The following EIF4E2 variants were observed in gnomAD, a reference collection of about 807,000 sequenced individuals.
The protein encoded by EIF4E2 is eukaryotic translation initiation factor 4E type 2.
EIF4E2 carries 13 observed loss-of-function variants against 34.2 expected under a neutral mutation model. The observed-to-expected ratio is 0.38, with a 90% CI of 0.25 to 0.60. EIF4E2 has a LOEUF of 0.60. EIF4E2 is among the 20% of genes least tolerant of loss of function. The pLI is 0.62. For synonymous variants in EIF4E2, 100 were observed against 106.6 expected (o/e 0.94, Z 0.38); for missense variants, 222 against 315.1 (o/e 0.70, Z 2.24).
rs13339890 is a variant in EIF4E2, at chr2:232,579,890, A to T, written c.666-1014A>T. Among the ~76,000 whole-genome samples, 1,279 of 152,300 alleles carry T rather than the reference A, an allele frequency of 8.4e-3. 18 individuals carry two copies. Among genetic ancestry groups the T allele is most frequent in the African/African-American group, 0.029 (1,223 of 41,566 alleles). On this transcript the variant is annotated intron_variant, in intron 6 of 6. Coordinates refer to the EIF4E2 transcript ENST00000409098. ...AATTTTCTGACAAATTGAAGTCCAC[A>T]GCACTGGGCAAGGGCAGCAGCCTTA...
Position 232,550,693 on chromosome 2 carries a change from C to A in EIF4E2, c.-32C>A. 2 of 1,582,336 alleles carry A rather than the reference C, an allele frequency of 1.3e-6. No homozygotes were observed. Among genetic ancestry groups the A allele is most frequent in the South Asian group, 1.2e-5 (1 of 86,864 alleles). On this transcript the variant is annotated 5_prime_UTR_variant, in exon 1 of 7. Coordinates refer to ENST00000258416, the MANE Select transcript of EIF4E2 (RefSeq NM_004846.4). Reference sequence around the variant, plus strand: ...GGACCCGGTGGAGCGGAAGTCACTCCCTGAGGCAGTGGCGACAGCGGCGGC... The same window carrying A: ...GGACCCGGTGGAGCGGAAGTCACTCACTGAGGCAGTGGCGACAGCGGCGGC...
rs982218316 is a variant in EIF4E2, at chr2:232,566,107, A to G, written c.376-722A>G. Among the ~76,000 whole-genome samples the G allele has an allele frequency of 4.6e-5, 7 of 152,106 alleles. No homozygotes were observed. Among genetic ancestry groups the G allele is most frequent in the South Asian group, 4.2e-4 (2 of 4,810 alleles). ...ACTCCATCGCAAAAAAGAAAAAAAA[A>G]AAAACTAGATTGGGGCTTCATGTCT... On this transcript the variant is annotated intron_variant, in intron 4 of 6. Coordinates refer to ENST00000258416, the MANE Select transcript of EIF4E2 (RefSeq NM_004846.4). The surrounding 1 kb of genome is among the most constrained non-coding windows in gnomAD (Gnocchi z 4.9).
downstream of EIF4E2, among the ~76,000 whole-genome samples, chr2:232,570,283 A>G (rs1251646723): frequency 2.0e-5 from 3 of 152,078 alleles, no homozygotes; most frequent in African/African-American, 7.2e-5. Context: ...ATCTTTGTTT[A>G]TTACATATCC....
chr2:232,573,393 C>T (rs961974412), downstream of EIF4E2, among the ~76,000 whole-genome samples: 1 of 152,146 alleles, frequency 6.6e-6, no homozygotes, highest in African/African-American at 2.4e-5. Context: ...TCCCAAGGAA[C>T]TCCTCATTTT....
At chr2:232,567,324 G>A in intron 6 of EIF4E2, 110 bp downstream of exon 6, 1 of 1,546,428 alleles carries the variant, frequency 6.5e-7, no homozygotes, top group Non-Finnish European at 8.7e-7. Context: ...GTGGAGAAGG[G>A]ACAGACCAGG....
intron 6 of EIF4E2, among the ~76,000 whole-genome samples, chr2:232,578,791 A>G (rs896786463): frequency 2.6e-5 from 4 of 152,142 alleles, no homozygotes; most frequent in African/African-American, 9.7e-5. Context: ...TTCCGTCACT[A>G]AACAGCTGAA....
chr2:232,560,256 C>T lies in EIF4E2; in HGVS notation c.270+2238C>T, dbSNP rs527641743. ...CCAAGACAATAACCGGGGAAAGAATCGTCTTTTCAACAAACATTGCTGAGA... is the reference window on the plus strand; with the variant it reads ...CCAAGACAATAACCGGGGAAAGAATTGTCTTTTCAACAAACATTGCTGAGA... On this transcript the variant is annotated intron_variant, in intron 3 of 6. Coordinates refer to ENST00000258416, the MANE Select transcript of EIF4E2 (RefSeq NM_004846.4). Among the ~76,000 whole-genome samples, 287 of 152,258 alleles carry T rather than the reference C, an allele frequency of 1.9e-3. 2 individuals carry two copies. The highest frequency in any genetic ancestry group is 3.9e-4 in the East Asian group (2 of 5,190).
At chr2:232,559,450 A>T (rs1241616287) in intron 3 of EIF4E2, among the ~76,000 whole-genome samples, 1 of 151,374 alleles carries the variant, frequency 6.6e-6, no homozygotes, top group Non-Finnish European at 1.5e-5. Flanking sequence ...AAAAATAAAA[A>T]AATAAAATAA....
intron 1 of EIF4E2, among the ~76,000 whole-genome samples, chr2:232,556,088 C>T (rs757804256): frequency 5.9e-5 from 9 of 152,152 alleles, no homozygotes; most frequent in Non-Finnish European, 1.2e-4. Flanking sequence ...GCATTAGAGA[C>T]TCTTCTCATT....
exon 7 of EIF4E2, chr2:232,582,313 G>A (rs1488265567): frequency 1.3e-5 from 2 of 152,604 alleles, no homozygotes; most frequent in African/African-American, 2.4e-5. Context: ...TCATATGAGA[G>A]TAACAGGCAT....
chr2:232,580,648 A>G (rs1412714547), intron 6 of EIF4E2, among the ~76,000 whole-genome samples: 1 of 152,194 alleles, frequency 6.6e-6, no homozygotes, highest in Non-Finnish European at 1.5e-5. Context: ...TAGCATTAAT[A>G]TTTAACCGGT....
chr2:232,579,461 C>T (rs1296974985), intron 6 of EIF4E2, among the ~76,000 whole-genome samples: 1 of 152,120 alleles, frequency 6.6e-6, no homozygotes, highest in Non-Finnish European at 1.5e-5. Flanking sequence ...CCTGAGTTCA[C>T]CTATACCAGC....
intron 1 of EIF4E2, among the ~76,000 whole-genome samples, chr2:232,556,117 A>T (rs1190445): frequency 6.6e-6 from 1 of 152,056 alleles, no homozygotes; most frequent in Non-Finnish European, 1.5e-5. Flanking sequence ...CATTTTTGGC[A>T]GGGAAAACAA....
intron 1 of EIF4E2, among the ~76,000 whole-genome samples, chr2:232,554,774 G>C (rs1417732562): frequency 2.0e-5 from 3 of 152,120 alleles, no homozygotes; most frequent in Non-Finnish European, 2.9e-5. Context: ...CTCTGCTTTT[G>C]CTCATTGTCT....
downstream of EIF4E2, among the ~76,000 whole-genome samples, chr2:232,572,149 C>A (rs1050421256): frequency 3.3e-5 from 5 of 152,118 alleles, no homozygotes; most frequent in African/African-American, 4.8e-5. Flanking sequence ...TTAACTTGTT[C>A]TTTCTTTACC....
intron 1 of EIF4E2, chr2:232,551,088 G>T (rs1692296114): frequency 3.3e-6 from 2 of 611,940 alleles, no homozygotes; most frequent in South Asian, 1.6e-5. Context: ...GGGTGTTTCC[G>T]CAGTCTGGCA....
chr2:232,569,566 TC>T (rs1693042018), downstream of EIF4E2, among the ~76,000 whole-genome samples: 1 of 152,218 alleles, frequency 6.6e-6, no homozygotes, highest in Non-Finnish European at 1.5e-5. Context: ...TTCGCTGACT[TC>T]CATTCGCCTT....
chr2:232,579,123 TACACAC>T (rs71056276), intron 6 of EIF4E2, among the ~76,000 whole-genome samples: 22,240 of 146,428 alleles, frequency 0.15, 1,769 homozygotes, highest in East Asian at 0.21. Flanking sequence ...AACTCAGAAA[TACACAC>T]ACACACACAC....
intron 4 of EIF4E2, among the ~76,000 whole-genome samples, chr2:232,564,693 C>G (rs1018708843): frequency 1.3e-5 from 2 of 152,180 alleles, no homozygotes; most frequent in Non-Finnish European, 2.9e-5. Flanking sequence ...CCTCGTGATC[C>G]GCCCGCCTTG....
Sources: gnomAD v4.1 joint callset for allele counts (sites outside exome capture counted in the v4.1 genomes callset) on GRCh38, gnomAD v4.1.1 for gene constraint, Gnocchi (gnomAD v3.1) non-coding constraint, MANE v1.5 for transcripts, NCBI Gene and HGNC (gene_info 2026-07-23, HGNC 2026-07-21) for gene names.